The following NUCB2 variants were observed in gnomAD, a reference collection of about 807,000 sequenced individuals.
NUCB2 encodes nucleobindin 2, also known as nucleobindin-2.
NUCB2 carries 48 observed loss-of-function variants against 57.9 expected under a neutral mutation model. The ratio of observed to expected loss-of-function variants is 0.83; its 90% CI spans 0.66 to 1.05. The LOEUF is 1.05. Among genes scored for constraint, NUCB2 ranks in the 50% least tolerant of loss-of-function variants. NUCB2 has a pLI of 0.00. For missense variants in NUCB2, 442 were observed against 476.2 expected (o/e 0.93, Z 0.67); for synonymous variants, 139 against 152.1 (o/e 0.91, Z 0.64).
At chr11:17,334,096 T>C (rs1328891421), downstream of NUCB2, 2 of 152,236 alleles carry the variant, frequency 1.3e-5, no homozygotes, top group African/African-American at 4.8e-5. Context: ...ACCCCAGATT[T>C]AGGGCCTTCG....
downstream of NUCB2, among the ~76,000 whole-genome samples, chr11:17,336,122 T>C (rs1256158877): frequency 6.6e-6 from 1 of 151,974 alleles, no homozygotes; most frequent in Admixed American, 6.6e-5. Flanking sequence ...TTTTTATTTT[T>C]AGTAGAGTCA....
At chr11:17,343,915 T>G (rs1952504100) in intron 2 of NUCB2, among the ~76,000 whole-genome samples, 1 of 152,238 alleles carries the variant, frequency 6.6e-6, no homozygotes, top group African/African-American at 2.4e-5. Context: ...GTGTATTTAT[T>G]CCCTTTGATG....
intron 11 of NUCB2, among the ~76,000 whole-genome samples, chr11:17,326,478 C>T (rs1276032892): frequency 4.0e-5 from 6 of 150,292 alleles, no homozygotes; most frequent in South Asian, 4.2e-4. Context: ...CCACCACACG[C>T]GGCTAATTTT....
In NUCB2 at chr11:17,316,427, A is replaced by G. The variant is rs572163452; in HGVS notation, c.1002+952A>G. 1.2e-4 allele frequency among the ~76,000 whole-genome samples: 18 copies of G among 152,362 alleles called. 1 individual carries two copies. In the East Asian group the frequency reaches 3.5e-3, roughly 29 times the overall value. On this transcript the variant is annotated intron_variant, in intron 11 of 13. Transcript: ENST00000529010. ...TAAAATGACTACCCAATATGCAGTTATATGGCTGTAGCATAATTTATATAT... is the reference window on the plus strand; with the variant it reads ...TAAAATGACTACCCAATATGCAGTTGTATGGCTGTAGCATAATTTATATAT...
intron 5 of NUCB2, among the ~76,000 whole-genome samples, chr11:17,304,863 C>T (rs1430271364): frequency 6.6e-6 from 1 of 152,174 alleles, no homozygotes; most frequent in African/African-American, 2.4e-5. Flanking sequence ...CAAAAGTAGA[C>T]TTGAATAAGT....
chr11:17,348,947 GT>G (rs1158556347), intron 2 of NUCB2, among the ~76,000 whole-genome samples: 4 of 151,894 alleles, frequency 2.6e-5, no homozygotes, highest in African/African-American at 9.7e-5. Flanking sequence ...ACCTGGCTAA[GT>G]TTTGTATTTT....
chr11:17,294,880 C>T (rs1411878208), intron 2 of NUCB2, among the ~76,000 whole-genome samples: 1 of 152,036 alleles, frequency 6.6e-6, no homozygotes, highest in East Asian at 1.9e-4. Context: ...AAACCCCCGT[C>T]TCTACTAAAA....
chr11:17,317,329 CATATAT>C (rs966094708), intron 11 of NUCB2, among the ~76,000 whole-genome samples: 2 of 151,836 alleles, frequency 1.3e-5, no homozygotes, highest in Non-Finnish European at 2.9e-5. Flanking sequence ...TATATGTGTA[CATATAT>C]ATAAAGTTTT....
chr11:17,315,610 A>G (rs1316167329), intron 11 of NUCB2, 135 bp downstream of exon 11: 2 of 447,750 alleles, frequency 4.5e-6, no homozygotes, highest in Non-Finnish European at 8.0e-6. Flanking sequence ...AAATGTCAGT[A>G]TAAAATAATG....
chr11:17,335,061 A>T (rs1951695368), downstream of NUCB2, among the ~76,000 whole-genome samples: 1 of 152,196 alleles, frequency 6.6e-6, no homozygotes, highest in Non-Finnish European at 1.5e-5. Context: ...AAAGTTATAT[A>T]CAGCTTTAAA....
intron 4 of NUCB2, among the ~76,000 whole-genome samples, chr11:17,298,789 C>T (rs1482325591): frequency 1.3e-5 from 2 of 151,864 alleles, no homozygotes; most frequent in African/African-American, 4.8e-5. Context: ...ACCTCTGCCT[C>T]CCAGGGTCAA....
chr11:17,311,333 T>TAA, intron 8 of NUCB2, 50 bp downstream of exon 8: 1 of 1,321,206 alleles, frequency 7.6e-7, no homozygotes, highest in South Asian at 1.3e-5. Context: ...CTTGAAAAAG[T>TAA]ATTTGCTTTC....
Position 17,281,195 on chromosome 11 carries a change from A to G in NUCB2, c.-155-1594A>G, listed in dbSNP as rs1027744011. Among the ~76,000 whole-genome samples the G allele has an allele frequency of 3.4e-4, 52 of 152,010 alleles. 1 individual carries two copies. Among genetic ancestry groups the G allele is most frequent in the Middle Eastern group, 3.4e-3 (1 of 294 alleles). ...TCCAGGCTGGAGTACATTGGTATGC[A>G]TGGCTCGACCTCCTGGGCTCAAGCA... On this transcript the variant is annotated intron_variant, in intron 1 of 13. Coordinates refer to ENST00000529010, the MANE Select transcript of NUCB2 (RefSeq NM_005013.4).
At chr11:17,342,454 C>G (rs1952353428) in intron 2 of NUCB2, among the ~76,000 whole-genome samples, 1 of 151,818 alleles carries the variant, frequency 6.6e-6, no homozygotes. Context: ...GCATTTAGTG[C>G]TATAAATTTC....
chr11:17,340,091 C>T (rs901582410), intron 2 of NUCB2, among the ~76,000 whole-genome samples: 10 of 152,208 alleles, frequency 6.6e-5, no homozygotes, highest in Non-Finnish European at 1.2e-4. Flanking sequence ...ATTTGCATTT[C>T]TCTGATGGCC....
chr11:17,337,966 G>A (rs902522952), intron 2 of NUCB2, among the ~76,000 whole-genome samples: 2 of 152,152 alleles, frequency 1.3e-5, no homozygotes, highest in Admixed American at 6.5e-5. Flanking sequence ...ACCTAATATC[G>A]TTAGTAGAAT....
intron 11 of NUCB2, among the ~76,000 whole-genome samples, chr11:17,325,010 C>T (rs554414091): frequency 6.6e-6 from 1 of 152,144 alleles, no homozygotes; most frequent in South Asian, 2.1e-4. Context: ...ACCATATTGG[C>T]CAGGCTGGTC....
chr11:17,288,961 A>AT (rs1290958369), intron 2 of NUCB2, among the ~76,000 whole-genome samples: 2,500 of 56,370 alleles, frequency 0.044, 660 homozygotes, highest in African/African-American at 0.17. Flanking sequence ...ATATATATAT[A>AT]TATTTTTTTT....
At chr11:17,338,485 TTAA>T (rs1472648114) in intron 2 of NUCB2, among the ~76,000 whole-genome samples, 4 of 152,138 alleles carry the variant, frequency 2.6e-5, no homozygotes, top group African/African-American at 9.7e-5. Context: ...TCAATTGCAG[TTAA>T]TAGTTTAAGT....
Sources: allele counts gnomAD v4.1 joint callset (sites outside exome capture counted in the v4.1 genomes callset), GRCh38; gene constraint gnomAD v4.1.1; transcripts MANE v1.5; gene names NCBI Gene and HGNC (gene_info 2026-07-23, HGNC 2026-07-21).